The following SLC9A7 variants were observed in gnomAD, a reference collection of about 807,000 sequenced individuals.
The protein encoded by SLC9A7 is sodium/hydrogen exchanger 7.
Under a neutral mutation model 52.6 loss-of-function variants are expected in SLC9A7, and 19 were observed. That is an observed-to-expected ratio of 0.36 (90% CI 0.25 to 0.53). SLC9A7 has a LOEUF of 0.53. Among genes scored for constraint, SLC9A7 ranks in the 20% least tolerant of loss-of-function variants. The pLI, the probability that SLC9A7 is intolerant of heterozygous loss-of-function variation, is 0.91. For missense variants in SLC9A7, 455 were observed against 597.9 expected (o/e 0.76, Z 2.49); for synonymous variants, 226 against 252.1 (o/e 0.90, Z 0.98).
intron 6 of SLC9A7, 30 bp downstream of exon 6, chrX:46,662,506 GTC>G: frequency 6.5e-6 from 7 of 1,073,773 alleles, no homozygotes; most frequent in Non-Finnish European, 7.8e-6. Flanking sequence ...AAACTGGGGT[GTC>G]TCTTCTCCAG....
chrX:46,689,389 C>T (rs1184119720), intron 1 of SLC9A7, among the ~76,000 whole-genome samples: 2 of 112,050 alleles, frequency 1.8e-5, no homozygotes, highest in East Asian at 2.8e-4. Context: ...TGTATAAACA[C>T]TCACCTACTG....
intron 14 of SLC9A7, among the ~76,000 whole-genome samples, chrX:46,629,883 C>T (rs1943194518): frequency 8.9e-6 from 1 of 111,844 alleles, no homozygotes; most frequent in Non-Finnish European, 1.9e-5. Flanking sequence ...AGTTCCTGAA[C>T]TCCTGTTTTC....
At chrX:46,651,471 C>G in intron 8 of SLC9A7, 67 bp from the exon 9 acceptor site, 1 of 922,245 alleles carries the variant, frequency 1.1e-6, no homozygotes, top group East Asian at 3.1e-5. Context: ...AAAAACCCTG[C>G]TAGAACAAAA....
chrX:46,662,343 A>G (rs916081240), intron 6 of SLC9A7, among the ~76,000 whole-genome samples, 186 bp from the exon 7 acceptor site: 3 of 112,065 alleles, frequency 2.7e-5, no homozygotes, highest in African/African-American at 9.7e-5. Flanking sequence ...TGCAGCCACC[A>G]TGTTACGCTG....
intron 1 of SLC9A7, among the ~76,000 whole-genome samples, chrX:46,700,970 C>T (rs1401922197): frequency 9.0e-6 from 1 of 111,616 alleles, no homozygotes; most frequent in African/African-American, 3.3e-5. Flanking sequence ...CCAAAGGAGA[C>T]TTCTGACATA....
At chrX:46,749,052 C>T (rs1470294324) in intron 1 of SLC9A7, among the ~76,000 whole-genome samples, 1 of 111,747 alleles carries the variant, frequency 8.9e-6, no homozygotes, top group East Asian at 2.8e-4. Flanking sequence ...CTCATTTATT[C>T]CTTCATCCTC....
At chrX:46,748,683 A>G (rs1356535847) in intron 1 of SLC9A7, among the ~76,000 whole-genome samples, 2 of 109,751 alleles carry the variant, frequency 1.8e-5, no homozygotes, top group Non-Finnish European at 3.8e-5. Flanking sequence ...GCCAAATGAA[A>G]TAAGCCAGAC....
intron 7 of SLC9A7, among the ~76,000 whole-genome samples, chrX:46,656,989 T>A (rs1385045658): frequency 3.8e-5 from 4 of 105,538 alleles, no homozygotes; most frequent in Non-Finnish European, 7.8e-5. Flanking sequence ...CGGGTTACCC[T>A]CAAAGGGAAG....
At chrX:46,666,963 A>G (rs775387185) in intron 5 of SLC9A7, among the ~76,000 whole-genome samples, 8 of 112,164 alleles carry the variant, frequency 7.1e-5, no homozygotes, top group Non-Finnish European at 1.1e-4. Flanking sequence ...GATTAAAATA[A>G]TAAAGCTGAT....
intron 15 of SLC9A7, among the ~76,000 whole-genome samples, chrX:46,615,487 A>C (rs1328107745): frequency 9.0e-6 from 1 of 110,609 alleles, no homozygotes; most frequent in Non-Finnish European, 1.9e-5. Flanking sequence ...AGAAGATGAC[A>C]GAGGCTCAGA....
chrX:46,613,159 T>G, intron 16 of SLC9A7, 130 bp downstream of exon 16: 3 of 383,909 alleles, frequency 7.8e-6, no homozygotes, highest in Non-Finnish European at 1.3e-5. Flanking sequence ...AGATGGCCAT[T>G]TCTAATCAGC....
At chrX:46,679,646 T>C (rs759567636) in intron 3 of SLC9A7, 32 bp downstream of exon 3, 2 of 1,058,959 alleles carry the variant, frequency 1.9e-6, no homozygotes, top group African/African-American at 1.9e-5. Flanking sequence ...GAGATTCACA[T>C]GATTTCAGAA....
intron 11 of SLC9A7, 64 bp from the exon 12 acceptor site, chrX:46,643,453 A>G: frequency 9.4e-7 from 1 of 1,063,017 alleles, no homozygotes; most frequent in Non-Finnish European, 1.3e-6. Flanking sequence ...CTCAAAATGC[A>G]CTGCTGCCAT....
chrX:46,682,396 C>T lies in SLC9A7; in HGVS notation c.465G>A (p.Leu155=). The part of the protein sequence containing the change: ...NVSGKFFEYT[L]KGEISPGKIN... The stretch of plus-strand genomic sequence containing the variant: ...TCTTGCCAGGACTGATTTCTCCTTT[C>T]AGAGTGTATTCGAAGAACTTTCCGC... The change falls in exon 2 of 17, where the codon CTG becomes CTA. Residue 155 remains leucine (L), a synonymous_variant. Coordinates refer to ENST00000616978, the MANE Select transcript of SLC9A7 (RefSeq NM_001257291.2). The T allele has an allele frequency of 2.5e-6, 3 of 1,211,504 alleles. No homozygotes were observed. Among genetic ancestry groups the T allele is most frequent in the Non-Finnish European group, 3.4e-6 (3 of 895,377 alleles).
At chrX:46,643,931 G>A (rs1943446369) in intron 11 of SLC9A7, among the ~76,000 whole-genome samples, 1 of 112,013 alleles carries the variant, frequency 8.9e-6, no homozygotes, top group African/African-American at 3.3e-5. Context: ...GGGCCAAGAG[G>A]CAAAATCAAG....
intron 4 of SLC9A7, among the ~76,000 whole-genome samples, chrX:46,670,787 C>G (rs1295725974): frequency 8.9e-6 from 1 of 111,992 alleles, no homozygotes; most frequent in Non-Finnish European, 1.9e-5. Flanking sequence ...AGACACTTAA[C>G]CAGCTCAATT....
Position 46,607,110 on chromosome X carries a change from C to T in SLC9A7, c.2023G>A (p.Gly675Ser), listed in dbSNP as rs747647471. 1 of 1,211,491 alleles carries T rather than the reference C, an allele frequency of 8.3e-7. No individual in the cohort carries two copies. The highest frequency in any genetic ancestry group is 1.8e-5 in the South Asian group (1 of 56,870). ...GAGGCGGTGTGCGAACTTGAGGAGC[C>T]ATTTGCAGTCACTGTGCTGTCCCCG... Reference protein sequence around the residue: ...TYGDSTVTANGSSSSHTASTS... With the variant: ...TYGDSTVTANSSSSSHTASTS... Residue 675 changes from glycine (G) to serine (S), a missense_variant, in exon 17 of 17, where the codon GGC (glycine) becomes AGC (serine). By Grantham distance (56) the Gly-to-Ser change is moderately conservative. Transcript: ENST00000616978.
chrX:46,723,925 T>A (rs1944902730), intron 1 of SLC9A7, among the ~76,000 whole-genome samples: 1 of 109,617 alleles, frequency 9.1e-6, no homozygotes, highest in East Asian at 2.8e-4. Flanking sequence ...TCATCTCTAC[T>A]AAAAGTACAA....
chrX:46,646,796 G>A (rs1386384665), intron 11 of SLC9A7: 5 of 335,073 alleles, frequency 1.5e-5, no homozygotes, highest in Non-Finnish European at 2.9e-5. Flanking sequence ...GCCATGGGCT[G>A]TAATCAGTAC....
Sources: gnomAD v4.1 joint callset for allele counts (sites outside exome capture counted in the v4.1 genomes callset) on GRCh38, gnomAD v4.1.1 for gene constraint, MANE v1.5 for transcripts, NCBI Gene and HGNC (gene_info 2026-07-23, HGNC 2026-07-21) for gene names.